The following ZFYVE9 variants were observed in gnomAD, a reference collection of about 807,000 sequenced individuals.
The protein encoded by ZFYVE9 is zinc finger FYVE domain-containing protein 9.
ZFYVE9 carries 43 observed loss-of-function variants against 126.7 expected under a neutral mutation model. The observed-to-expected ratio is 0.34, with a 90% CI of 0.27 to 0.44. The LOEUF (loss-of-function observed/expected upper bound fraction) is 0.44. Among genes scored for constraint, ZFYVE9 ranks in the 20% least tolerant of loss-of-function variants. The pLI, the probability that ZFYVE9 is intolerant of heterozygous loss-of-function variation, is 1.00. For synonymous variants in ZFYVE9, 521 were observed against 597.4 expected, an observed-to-expected ratio of 0.87 and a Z score of 1.87; for missense variants, 1,476 against 1,697.0, an observed-to-expected ratio of 0.87 and a Z score of 2.29.
intron 1 of ZFYVE9, among the ~76,000 whole-genome samples, chr1:52,186,044 C>G (rs1009500991): frequency 6.6e-6 from 1 of 151,818 alleles, no homozygotes. Flanking sequence ...AGTTCAAGAC[C>G]AGCCTGGCCA....
intron 1 of ZFYVE9, among the ~76,000 whole-genome samples, chr1:52,145,283 C>T (rs1423701164): frequency 6.6e-6 from 1 of 152,124 alleles, no homozygotes. Flanking sequence ...GATGATAATT[C>T]CTTCCTCTGT....
At chr1:52,209,956 A>G (rs78407568) in intron 1 of ZFYVE9, among the ~76,000 whole-genome samples, 8,203 of 152,106 alleles carry the variant, frequency 0.054, 237 homozygotes, top group South Asian at 0.076. Context: ...GGTACAAAAC[A>G]GGGGGCAGGG....
In ZFYVE9 at chr1:52,281,650, T is replaced by G. The variant is rs114491002; in HGVS notation, c.2870-11T>G. 267 of 1,611,358 alleles carry G rather than the reference T, an allele frequency of 1.7e-4. No individual in the cohort carries two copies. In the African/African-American group the frequency reaches 2.7e-3, roughly 16 times the overall value. ...AATGTCTTTATTTTTGTGTTTTTAT[T>G]CCATCTGTAGATGTGAACAGGAAGT... On this transcript the variant is annotated splice_polypyrimidine_tract_variant and intron_variant, in intron 9 of 18. Transcript: ENST00000287727.
chr1:52,330,007 A>T (rs1646325935), intron 13 of ZFYVE9, among the ~76,000 whole-genome samples: 1 of 146,094 alleles, frequency 6.8e-6, no homozygotes, highest in African/African-American at 2.5e-5. Context: ...AGGTGGGAGG[A>T]TCAGTGTCAA....
intron 1 of ZFYVE9, among the ~76,000 whole-genome samples, chr1:52,148,947 A>ATTTTTT (rs56300233): frequency 7.0e-4 from 24 of 34,252 alleles, no homozygotes; most frequent in Non-Finnish European, 9.2e-4. Flanking sequence ...CCTTAACATG[A>ATTTTTT]TTTTTTTTTT....
In ZFYVE9 at chr1:52,239,273, G is replaced by A; in HGVS notation, c.1856G>A (p.Gly619Glu). ...ACTAAAAATAAAAATGATATTCTTGGGAAAGCAAAATTAGGGGAAAACTCA... is the reference window on the plus strand; with the variant it reads ...ACTAAAAATAAAAATGATATTCTTGAGAAAGCAAAATTAGGGGAAAACTCA... The part of the protein sequence containing the change: ...NNTKNKNDIL[G>E]KAKLGENSAT... The change falls in exon 4 of 19, where the codon GGG becomes GAG. Residue 619 changes from glycine to glutamate, a missense_variant. This residue lies in a region of ZFYVE9 where 807 missense variants were observed against 794.6 expected (regional missense o/e 1.02). Transcript: ENST00000287727. 1 of 1,614,078 alleles carries A rather than the reference G, an allele frequency of 6.2e-7. No homozygotes were observed. Among genetic ancestry groups the A allele is most frequent in the Non-Finnish European group, 8.5e-7 (1 of 1,180,004 alleles).
At chr1:52,334,865 G>T in intron 15 of ZFYVE9, 97 bp downstream of exon 15, 2 of 1,198,610 alleles carry the variant, frequency 1.7e-6, no homozygotes, top group Admixed American at 2.0e-5. Context: ...GACTCCTACT[G>T]TTTTTTCAGT....
chr1:52,150,771 T>TA lies in ZFYVE9; in HGVS notation c.-143+8383dup, dbSNP rs796794662. ...TGGGCAACAGGGGAACATACTGTCT[T>TA]AAAAAAAAAAAAAAAGAAGAAAAGA... is the stretch of plus-strand genomic sequence containing the variant. On this transcript the variant is annotated intron_variant, in intron 1 of 18. Coordinates refer to ENST00000287727, the MANE Select transcript of ZFYVE9 (RefSeq NM_004799.4). 7.0e-3 allele frequency among the ~76,000 whole-genome samples: 943 copies of TA among 134,938 alleles called. 5 individuals are homozygous for TA. The highest frequency in any genetic ancestry group is 0.018 in the African/African-American group (651 of 36,614). 88.5% of individuals were successfully genotyped at this position (134,938 alleles called of 152,430 possible).
chr1:52,276,908 C>T (rs1046337253), intron 8 of ZFYVE9, among the ~76,000 whole-genome samples: 3 of 152,200 alleles, frequency 2.0e-5, no homozygotes, highest in Non-Finnish European at 4.4e-5. Flanking sequence ...GCATTTACTG[C>T]TCCTTGCATG....
rs377620495 is a variant in ZFYVE9 at position 52,234,449 on chromosome 1, A to T, written c.70+1173A>T. Among the ~76,000 whole-genome samples the T allele has an allele frequency of 7.2e-5, 11 of 152,336 alleles. No individual in the cohort carries two copies. In the East Asian group the frequency reaches 2.1e-3, roughly 29 times the overall value. ...GTATTCCAGCCCAGATGACAGAGTGAGACCCTGTCTTAAAAAATAATAAAG... is the reference window on the plus strand; with the variant it reads ...GTATTCCAGCCCAGATGACAGAGTGTGACCCTGTCTTAAAAAATAATAAAG... On this transcript the variant is annotated intron_variant, in intron 3 of 18. Coordinates refer to ENST00000287727, the MANE Select transcript of ZFYVE9 (RefSeq NM_004799.4).
chr1:52,332,895 G>C lies in ZFYVE9; in HGVS notation c.3566G>C (p.Ser1189Thr), dbSNP rs1646355351. 3.7e-6 allele frequency: 6 copies of C among 1,614,130 alleles called. No individual in the cohort carries two copies. In the East Asian group the frequency reaches 1.3e-4, roughly 36 times the overall value. Residue 1189 changes from serine to threonine, a missense_variant, in exon 14 of 19, where the codon AGT becomes ACT. This residue lies in a region of ZFYVE9 where 669 missense variants were observed against 902.4 expected (regional missense o/e 0.74). Coordinates refer to ENST00000287727, the MANE Select transcript of ZFYVE9 (RefSeq NM_004799.4). ...DDGNYQTQAI[S>T]IHNQPRKVTG... ...GGAAACTATCAGACCCAGGCTATCA[G>C]TATTCACAATCAGCCCAGAAAAGGT... is the stretch of plus-strand genomic sequence containing the variant.
chr1:52,203,693 A>G (rs918693190), intron 1 of ZFYVE9, among the ~76,000 whole-genome samples: 10 of 78,626 alleles, frequency 1.3e-4, no homozygotes, highest in Non-Finnish European at 5.9e-5. Flanking sequence ...TATTACACGT[A>G]TGTTACACCC....
Position 52,263,753 on chromosome 1 carries a change from T to TTGCC in ZFYVE9, c.2179-20_2179-19insTGCC. The TTGCC allele has an allele frequency of 1.4e-6, 1 of 713,090 alleles. No homozygotes were observed. Among genetic ancestry groups the TTGCC allele is most frequent in the Non-Finnish European group, 2.0e-6 (1 of 490,712 alleles). The allele number at this position is 713,090 out of a possible 1,614,324, so 44.2% of individuals were successfully genotyped here. On this transcript the variant is annotated intron_variant, in intron 4 of 18. Coordinates refer to ENST00000287727, the MANE Select transcript of ZFYVE9 (RefSeq NM_004799.4). Reference sequence around the variant, plus strand: ...ATCCCAAGTAAATTTTGTGTGTTCTTCCCCCCCCCCCCCCCACAGGTTTTC... The same window carrying TTGCC: ...ATCCCAAGTAAATTTTGTGTGTTCTTTGCCCCCCCCCCCCCCCCCACAGGTTTTC...
At chr1:52,278,729 T>TC in intron 9 of ZFYVE9, 115 bp downstream of exon 9, 23 of 807,364 alleles carry the variant, frequency 2.8e-5, no homozygotes, top group African/African-American at 5.4e-5. Context: ...CTTTTTTTTT[T>TC]TCTTTTTTTT....
At position 52,333,047 on chromosome 1, in the gene ZFYVE9, A is replaced by G. The variant is rs149395267; in HGVS notation, c.3589+129A>G. ...ACAAACAAATTAATTAACCTTTCCA[A>G]CCATATTCTTCAGGATTATGTTGAC... is the stretch of plus-strand genomic sequence containing the variant. On this transcript the variant is annotated intron_variant, in intron 14 of 18. Coordinates refer to ENST00000287727, the MANE Select transcript of ZFYVE9 (RefSeq NM_004799.4). 1.4e-5 allele frequency: 18 copies of G among 1,246,428 alleles called. No homozygotes were observed. In the East Asian group the frequency reaches 4.6e-4, roughly 32 times the overall value. The allele number at this position is 1,246,428 out of a possible 1,614,324, so 77.2% of individuals were successfully genotyped here. A position where few individuals can be genotyped will look rare whatever the true frequency, so the allele number is the denominator to read the frequency against.
At chr1:52,161,650 T>A (rs1644461025) in intron 1 of ZFYVE9, among the ~76,000 whole-genome samples, 1 of 152,176 alleles carries the variant, frequency 6.6e-6, no homozygotes, top group Non-Finnish European at 1.5e-5. Flanking sequence ...GCTTTTTATC[T>A]CTAAAAAATG....
chr1:52,281,478 A>T (rs534504146), intron 9 of ZFYVE9, among the ~76,000 whole-genome samples, 183 bp from the exon 10 acceptor site: 1 of 152,136 alleles, frequency 6.6e-6, no homozygotes, highest in East Asian at 1.9e-4. Flanking sequence ...AGGCATTGGC[A>T]TGTTTTATTT....
At chr1:52,263,666 G>A (rs1645603039) in intron 4 of ZFYVE9, 107 bp from the exon 5 acceptor site, 1 of 521,816 alleles carries the variant, frequency 1.9e-6, no homozygotes, top group African/African-American at 2.0e-5. Flanking sequence ...TAGTATTGTA[G>A]TTTAATAAGG....
chr1:52,229,652 A>G (rs2124616487), intron 2 of ZFYVE9, among the ~76,000 whole-genome samples: 1 of 152,300 alleles, frequency 6.6e-6, no homozygotes, highest in Middle Eastern at 3.4e-3. Context: ...ATCAGGCTCT[A>G]TGTGAATCAC....
Sources: gnomAD v4.1 joint callset for allele counts (sites outside exome capture counted in the v4.1 genomes callset) on GRCh38, gnomAD v4.1.1 for gene constraint, gnomAD v4.1.1 regional missense constraint, MANE v1.5 for transcripts, NCBI Gene and HGNC (gene_info 2026-07-23, HGNC 2026-07-21) for gene names.